The following SPSB1 variants were observed in gnomAD, a reference collection of about 807,000 sequenced individuals.
SPSB1 encodes the protein splA/ryanodine receptor domain and SOCS box containing 1.
In SPSB1, 8 loss-of-function variants were observed where a neutral mutation model predicts 21.2. That is an observed-to-expected ratio of 0.38 (90% CI 0.22 to 0.68). SPSB1 has a LOEUF of 0.68. Among genes scored for constraint, SPSB1 ranks in the 30% least tolerant of loss-of-function variants. The pLI, the probability that SPSB1 is intolerant of heterozygous loss-of-function variation, is 0.53. For synonymous variants in SPSB1, 169 were observed against 161.7 expected, an observed-to-expected ratio of 1.05 and a Z score of -0.34; for missense variants, 242 against 377.8, an observed-to-expected ratio of 0.64 and a Z score of 2.98.
At chr1:9,294,313 TGTGA>T (rs528554818) in intron 1 of SPSB1, among the ~76,000 whole-genome samples, 56 of 152,292 alleles carry the variant, frequency 3.7e-4, no homozygotes, top group African/African-American at 1.1e-3. Context: ...TCTGTGTATG[TGTGA>T]GTGTCTGTGT....
intron 1 of SPSB1, among the ~76,000 whole-genome samples, chr1:9,318,689 A>G (rs1259753095): frequency 6.6e-6 from 1 of 152,188 alleles, no homozygotes; most frequent in Non-Finnish European, 1.5e-5. Flanking sequence ...TGTTTCCACC[A>G]TTCAGAGGGT....
intron 1 of SPSB1, among the ~76,000 whole-genome samples, chr1:9,350,611 C>T (rs767920469): frequency 3.3e-5 from 5 of 152,258 alleles, no homozygotes; most frequent in Middle Eastern, 3.4e-3. Flanking sequence ...TGCGTGCATG[C>T]GTGTGTGTGG....
At position 9,354,068 on chromosome 1, in the gene SPSB1, C is replaced by T. The variant is rs1569648931; in HGVS notation, c.-149-1675C>T. 2.6e-5 allele frequency among the ~76,000 whole-genome samples: 4 copies of T among 152,168 alleles called. No homozygotes were observed. The South Asian group carries it at 6.2e-4, about 24-fold the overall frequency. ...AAACTTCCTGGAGACCTGGCCGCCC[C>T]GGGAACAGGGTCTCGTGGGGCCTCT... On this transcript the variant is annotated intron_variant, in intron 1 of 2. Transcript: ENST00000328089.
rs571896091 is a variant in SPSB1 at position 9,348,853 on chromosome 1, G to A, written c.-149-6890G>A. 1.7e-4 allele frequency among the ~76,000 whole-genome samples: 25 copies of A among 151,006 alleles called. No individual in the cohort carries two copies. Among genetic ancestry groups the A allele is most frequent in the Admixed American group, 1.1e-3 (16 of 15,194 alleles). ...GGTGTTTGGAACCCCAACCCACCCC[G>A]TCCCATGGCTGCTCTGGAAACACTG... On this transcript the variant is annotated intron_variant, in intron 1 of 2. Coordinates refer to ENST00000328089, the MANE Select transcript of SPSB1 (RefSeq NM_025106.4). This position sits in a 1 kb window ranked among gnomAD's most constrained non-coding sequence, Gnocchi z 4.8.
At position 9,318,511 on chromosome 1, in the gene SPSB1, G is replaced by C. The variant is rs540654979; in HGVS notation, c.-150+25440G>C. On this transcript the variant is annotated intron_variant, in intron 1 of 2. Coordinates refer to ENST00000328089, the MANE Select transcript of SPSB1 (RefSeq NM_025106.4). Reference sequence around the variant, plus strand: ...CCACTCCCAGGTTTCCAGCATCCAAGGAAGACCCTGAGTTTGGAATCTGGC... The same window carrying C: ...CCACTCCCAGGTTTCCAGCATCCAACGAAGACCCTGAGTTTGGAATCTGGC... Among the ~76,000 whole-genome samples the C allele has an allele frequency of 2.6e-5, 4 of 152,292 alleles. No individual in the cohort carries two copies. In the East Asian group the frequency reaches 5.8e-4, roughly 22 times the overall value.
intron 2 of SPSB1, among the ~76,000 whole-genome samples, chr1:9,361,599 A>C (rs1355332364): frequency 3.3e-5 from 5 of 152,214 alleles, no homozygotes; most frequent in Non-Finnish European, 7.3e-5. Flanking sequence ...GGGCGGAAGT[A>C]GGGGTACTGA....
intron 1 of SPSB1, among the ~76,000 whole-genome samples, chr1:9,322,508 G>A (rs1404234909): frequency 6.6e-6 from 1 of 152,180 alleles, no homozygotes; most frequent in African/African-American, 2.4e-5. Flanking sequence ...GGCATTTAAA[G>A]CCCTAATCTG....
Position 9,305,859 on chromosome 1 carries a change from C to G in SPSB1, c.-150+12788C>G, listed in dbSNP as rs535942513. Among the ~76,000 whole-genome samples, 1 of 152,130 alleles carries G rather than the reference C, an allele frequency of 6.6e-6. No individual in the cohort carries two copies. Among genetic ancestry groups the G allele is most frequent in the African/African-American group, 2.4e-5 (1 of 41,420 alleles). On this transcript the variant is annotated intron_variant, in intron 1 of 2. Coordinates refer to ENST00000328089, the MANE Select transcript of SPSB1 (RefSeq NM_025106.4). The surrounding 1 kb of genome is among the most constrained non-coding windows in gnomAD (Gnocchi z 4.8). ...ACAGGCCCGTCTCTGCTGATGATAG[C>G]GCTCAGGGTATCAGAGGACACTGGT... is the stretch of plus-strand genomic sequence containing the variant.
Position 9,367,933 on chromosome 1 carries a change from C to T in SPSB1, c.*358C>T, listed in dbSNP as rs1640605957. The T allele has an allele frequency of 1.9e-5, 4 of 210,332 alleles. No homozygotes were observed. Among genetic ancestry groups the T allele is most frequent in the Non-Finnish European group, 3.9e-5 (4 of 103,548 alleles). 13.0% of individuals were successfully genotyped at this position (210,332 alleles called of 1,614,324 possible). On this transcript the variant is annotated 3_prime_UTR_variant, in exon 3 of 3. Transcript: ENST00000328089. The surrounding 1 kb of genome is among the most constrained non-coding windows in gnomAD (Gnocchi z 5.9). ...CACCTCTGGGAGAAGGCTGCAGCCA[C>T]CTGGGGGTCCCAGGGTGGTGGGGGT... is the stretch of plus-strand genomic sequence containing the variant.
chr1:9,346,383 C>T lies in SPSB1; in HGVS notation c.-149-9360C>T, dbSNP rs1046251408. Among the ~76,000 whole-genome samples, 35 of 152,298 alleles carry T rather than the reference C, an allele frequency of 2.3e-4. No individual in the cohort carries two copies. Among genetic ancestry groups the T allele is most frequent in the African/African-American group, 7.0e-4 (29 of 41,558 alleles). On this transcript the variant is annotated intron_variant, in intron 1 of 2. Coordinates refer to ENST00000328089, the MANE Select transcript of SPSB1 (RefSeq NM_025106.4). This position sits in a 1 kb window ranked among gnomAD's most constrained non-coding sequence, Gnocchi z 4.4. ...AGGAGGTGGGTGAGTGTCTGCCACT[C>T]GCTGGTGACAGACCCACCTCTGTGC...
In SPSB1 at chr1:9,356,151, T is replaced by C; in HGVS notation, c.260T>C (p.Ile87Thr). ...RHPVAQSTDAIRGKVGYTRGL... is the reference protein window; with the variant it reads ...RHPVAQSTDATRGKVGYTRGL... ...CCGGTGGCCCAGAGCACGGACGCTA[T>C]CAGGGGCAAAGTCGGGTATACCCGT... The change falls in exon 2 of 3, where the codon ATC becomes ACC. Residue 87 changes from isoleucine to threonine, a missense_variant. Physicochemically the swap from Ile to Thr is moderately conservative, Grantham distance 89. Transcript: ENST00000328089. This position sits in a 1 kb window ranked among gnomAD's most constrained non-coding sequence, Gnocchi z 7.4. 1.3e-6 allele frequency: 2 copies of C among 1,589,852 alleles called. No individual in the cohort carries two copies. The highest frequency in any genetic ancestry group is 1.7e-6 in the Non-Finnish European group (2 of 1,164,586).
intron 1 of SPSB1, among the ~76,000 whole-genome samples, chr1:9,337,034 C>T (rs1640015795): frequency 6.6e-6 from 1 of 152,158 alleles, no homozygotes; most frequent in East Asian, 1.9e-4. Flanking sequence ...ATGTTTCTAG[C>T]TCTCTCTGGC....
chr1:9,358,101 C>T (rs1334863834), intron 2 of SPSB1, among the ~76,000 whole-genome samples: 1 of 152,190 alleles, frequency 6.6e-6, no homozygotes, highest in Non-Finnish European at 1.5e-5. Flanking sequence ...AGCTTCTCCT[C>T]CTGGAGAAGG....
Position 9,336,542 on chromosome 1 carries a change from T to C in SPSB1, c.-149-19201T>C, listed in dbSNP as rs910195900. ...CGTCCGGCTCCTCCTCCTGGTTCTTTACTGCTTCCCCCAAAGCAAAAGGAA... is the reference window on the plus strand; with the variant it reads ...CGTCCGGCTCCTCCTCCTGGTTCTTCACTGCTTCCCCCAAAGCAAAAGGAA... On this transcript the variant is annotated intron_variant, in intron 1 of 2. Transcript: ENST00000328089. Among the ~76,000 whole-genome samples, 35 of 152,184 alleles carry C rather than the reference T, an allele frequency of 2.3e-4. 1 individual carries two copies. The highest frequency in any genetic ancestry group is 2.4e-5 in the African/African-American group (1 of 41,444).
At chr1:9,316,642 G>A (rs1030484567) in intron 1 of SPSB1, among the ~76,000 whole-genome samples, 1 of 152,186 alleles carries the variant, frequency 6.6e-6, no homozygotes, top group Non-Finnish European at 1.5e-5. Flanking sequence ...ACCCGTTCCC[G>A]CCATCTTGGG....
intron 2 of SPSB1, among the ~76,000 whole-genome samples, chr1:9,362,857 T>G (rs550666383): frequency 6.6e-6 from 1 of 152,360 alleles, no homozygotes; most frequent in South Asian, 2.1e-4. Context: ...TCTTTGCTGC[T>G]CATTCAGCAT....
intron 1 of SPSB1, among the ~76,000 whole-genome samples, chr1:9,319,041 G>A (rs1639662120): frequency 6.6e-6 from 1 of 152,004 alleles, no homozygotes; most frequent in Admixed American, 6.6e-5. Context: ...AGCCGGGCAT[G>A]GTGGCGCACC....
intron 1 of SPSB1, among the ~76,000 whole-genome samples, chr1:9,340,093 T>G (rs504357): frequency 6.6e-6 from 1 of 152,040 alleles, no homozygotes; most frequent in African/African-American, 2.4e-5. Context: ...AGCAAGCTCC[T>G]GGGTGATGGT....
Position 9,362,020 on chromosome 1 carries a change from T to A in SPSB1, c.695-5428T>A, listed in dbSNP as rs79247606. On this transcript the variant is annotated intron_variant, in intron 2 of 2. Transcript: ENST00000328089. ...TTTTCTTTAACGGCTCCCAGATGGG[T>A]TTGGTGTGGTTTGTCGTGGTTGAAG... 6.9e-3 allele frequency among the ~76,000 whole-genome samples: 1,054 copies of A among 152,200 alleles called. 14 individuals are homozygous for A. The highest frequency in any genetic ancestry group is 0.024 in the African/African-American group (1,003 of 41,526).
Sources: gnomAD v4.1 joint callset for allele counts (sites outside exome capture counted in the v4.1 genomes callset) on GRCh38, gnomAD v4.1.1 for gene constraint, Gnocchi (gnomAD v3.1) non-coding constraint, MANE v1.5 for transcripts, NCBI Gene and HGNC (gene_info 2026-07-23, HGNC 2026-07-21) for gene names.